Variants in CACNA2D4 observed in about 807,000 individuals in gnomAD.
CACNA2D4 encodes the protein voltage-dependent calcium channel subunit alpha-2/delta-4.
In CACNA2D4, 157 loss-of-function variants were observed where a neutral mutation model predicts 163.8. The ratio of observed to expected loss-of-function variants is 0.96; its 90% CI spans 0.84 to 1.09. CACNA2D4 has a LOEUF of 1.09. Ranked by LOEUF, CACNA2D4 falls within the 50% of genes least tolerant of loss-of-function variation. The pLI, the probability that CACNA2D4 is intolerant of heterozygous loss-of-function variation, is 0.00. For missense variants in CACNA2D4, 1,410 were observed against 1,479.9 expected (o/e 0.95, Z 0.78); for synonymous variants, 598 against 586.9 (o/e 1.02, Z -0.27).
chr12:1,828,268 G>A lies in CACNA2D4; in HGVS notation c.2551+12471C>T. On this transcript the variant is annotated intron_variant, in intron 26 of 37. Transcript: ENST00000382722. This position sits in a 1 kb window ranked among gnomAD's most constrained non-coding sequence, Gnocchi z 4.2. ...GGTGCGGGTTGGGTGGGGGTGCCGA[G>A]GTGACTGTAGGTAGCGCCATATGGG... The A allele has an allele frequency of 6.9e-7, 1 of 1,449,672 alleles. No individual in the cohort carries two copies. The highest frequency in any genetic ancestry group is 9.3e-7 in the Non-Finnish European group (1 of 1,075,038). The allele number at this position is 1,449,672 out of a possible 1,614,324, so 89.8% of individuals were successfully genotyped here.
intron 26 of CACNA2D4, chr12:1,830,987 T>C (rs201492115): frequency 6.2e-7 from 1 of 1,613,774 alleles, no homozygotes; most frequent in African/African-American, 1.3e-5. Context: ...CCACCTGCCC[T>C]TTCTCCTGCA....
chr12:1,877,604 G>A (rs1486874324), intron 16 of CACNA2D4, among the ~76,000 whole-genome samples: 1 of 152,202 alleles, frequency 6.6e-6, no homozygotes, highest in Non-Finnish European at 1.5e-5. Context: ...GGCAGATGAG[G>A]CCCTAAGTTC....
At chr12:1,870,008 T>C (rs997159397) in intron 18 of CACNA2D4, among the ~76,000 whole-genome samples, 1 of 152,220 alleles carries the variant, frequency 6.6e-6, no homozygotes. Flanking sequence ...ACTGAGCATA[T>C]AGAGGCTTGA....
At chr12:1,853,894 A>T in intron 23 of CACNA2D4, 57 bp downstream of exon 23, 1 of 1,399,472 alleles carries the variant, frequency 7.1e-7, no homozygotes, top group Non-Finnish European at 1.0e-6. Flanking sequence ...GTCCCAACTT[A>T]GCCAAGGGAA....
intron 29 of CACNA2D4, among the ~76,000 whole-genome samples, chr12:1,804,307 G>A (rs144970351): frequency 1.3e-5 from 2 of 152,266 alleles, no homozygotes; most frequent in African/African-American, 2.4e-5. Flanking sequence ...TGAATGACCC[G>A]AGTCTTCTGC....
chr12:1,914,782 C>T, intron 2 of CACNA2D4, 72 bp downstream of exon 2: 1 of 1,007,666 alleles, frequency 9.9e-7, no homozygotes, highest in South Asian at 1.3e-5. Context: ...CCTCACAGCA[C>T]CGGCATTTGG....
chr12:1,884,048 A>T, intron 12 of CACNA2D4, 195 bp downstream of exon 12: 2 of 560,296 alleles, frequency 3.6e-6, no homozygotes, highest in South Asian at 5.1e-5. Flanking sequence ...TGGGGGCAGG[A>T]TGGAGACAGA....
chr12:1,797,398 G>A lies in CACNA2D4; in HGVS notation c.3113+20C>T. The A allele has an allele frequency of 6.7e-7, 1 of 1,501,226 alleles. No individual in the cohort carries two copies. Among genetic ancestry groups the A allele is most frequent in the Non-Finnish European group, 9.0e-7 (1 of 1,115,482 alleles). 93.0% of individuals were successfully genotyped at this position (1,501,226 alleles called of 1,614,324 possible). ...CGGGAGGAGTGTGGCGGGACGGGCG[G>A]CGCCGCCCTGCGGTCTTACTTCTGG... On this transcript the variant is annotated intron_variant, in intron 35 of 37. Transcript: ENST00000382722.
intron 3 of CACNA2D4, among the ~76,000 whole-genome samples, chr12:1,910,372 C>T (rs80228136): frequency 0.046 from 7,000 of 152,238 alleles, 408 homozygotes; most frequent in African/African-American, 0.13. Flanking sequence ...ACAGAATGTA[C>T]GAGAATGAAC....
At chr12:1,807,510 T>C (rs559208881) in intron 29 of CACNA2D4, among the ~76,000 whole-genome samples, 54 of 152,010 alleles carry the variant, frequency 3.6e-4, no homozygotes, top group African/African-American at 1.1e-3. Flanking sequence ...AGTAAGTTTT[T>C]TTAAAAACAG....
chr12:1,814,225 A>T (rs1863804906), intron 26 of CACNA2D4, among the ~76,000 whole-genome samples: 1 of 152,112 alleles, frequency 6.6e-6, no homozygotes, highest in African/African-American at 2.4e-5. Flanking sequence ...GCTGGAAGGA[A>T]TTCTACGATT....
At chr12:1,860,266 C>G in intron 18 of CACNA2D4, 60 bp from the exon 19 acceptor site, 1 of 1,381,152 alleles carries the variant, frequency 7.2e-7, no homozygotes, top group South Asian at 1.2e-5. Flanking sequence ...CAGCCCCCAC[C>G]TCGCCCCCAG....
chr12:1,884,453 A>G, intron 11 of CACNA2D4, 132 bp from the exon 12 acceptor site: 1 of 733,326 alleles, frequency 1.4e-6, no homozygotes, highest in Non-Finnish European at 2.4e-6. Flanking sequence ...TCACCCCCTG[A>G]GGCCCAGGCA....
chr12:1,804,676 T>C (rs1174533620), intron 29 of CACNA2D4, among the ~76,000 whole-genome samples: 1 of 152,146 alleles, frequency 6.6e-6, no homozygotes, highest in Non-Finnish European at 1.5e-5. Context: ...GACTGGCCAA[T>C]GGAATGTGAG....
chr12:1,917,537 G>A lies in CACNA2D4; in HGVS notation c.227+710C>T, dbSNP rs190535254. On this transcript the variant is annotated intron_variant, in intron 1 of 37. Transcript: ENST00000382722. The surrounding 1 kb of genome is among the most constrained non-coding windows in gnomAD (Gnocchi z 4.3). The stretch of plus-strand genomic sequence containing the variant: ...GAAGGCTCTGCTACCCACATGTATT[G>A]GAAATTTCCTTCCTAGGACCACCTG... Among the ~76,000 whole-genome samples, 53 of 152,218 alleles carry A rather than the reference G, an allele frequency of 3.5e-4. No homozygotes were observed. The highest frequency in any genetic ancestry group is 1.3e-3 in the African/African-American group (52 of 41,540).
intron 6 of CACNA2D4, among the ~76,000 whole-genome samples, chr12:1,894,923 A>G (rs1279951101): frequency 6.6e-6 from 1 of 152,212 alleles, no homozygotes; most frequent in Non-Finnish European, 1.5e-5. Flanking sequence ...AAAGCATCCA[A>G]ATTGGAAAAG....
At chr12:1,803,032 G>T (rs1863393258) in intron 29 of CACNA2D4, among the ~76,000 whole-genome samples, 1 of 152,230 alleles carries the variant, frequency 6.6e-6, no homozygotes, top group South Asian at 2.1e-4. Context: ...GCCACGTCAG[G>T]TTCTTCATGG....
intron 6 of CACNA2D4, among the ~76,000 whole-genome samples, chr12:1,901,375 T>C (rs997966626): frequency 6.6e-6 from 1 of 151,378 alleles, no homozygotes; most frequent in Non-Finnish European, 1.5e-5. Context: ...ATTGAAATGA[T>C]AAAAAAACCC....
At chr12:1,796,228 T>A (rs1863122424) in intron 35 of CACNA2D4, among the ~76,000 whole-genome samples, 1 of 152,174 alleles carries the variant, frequency 6.6e-6, no homozygotes, top group Non-Finnish European at 1.5e-5. Flanking sequence ...GAGGCCGCCC[T>A]GCGAGGAGTG....
Sources: allele counts gnomAD v4.1 joint callset (sites outside exome capture counted in the v4.1 genomes callset), GRCh38; gene constraint gnomAD v4.1.1; non-coding constraint Gnocchi (gnomAD v3.1); transcripts MANE v1.5; gene names NCBI Gene and HGNC (gene_info 2026-07-23, HGNC 2026-07-21).